NRXN1: variants seen among roughly 807,000 people sequenced by gnomAD.
NRXN1 encodes the protein neurexin-1.
A neutral mutation model predicts 150.9 loss-of-function variants in NRXN1; 39 were observed. The observed-to-expected ratio is 0.26, with a 90% CI of 0.20 to 0.34. The LOEUF is 0.34. Ranked by LOEUF, NRXN1 falls within the 10% of genes least tolerant of loss-of-function variation. The pLI is 1.00. For synonymous variants in NRXN1, 924 were observed against 757.0 expected (o/e 1.22, Z -3.62); for missense variants, 1,815 against 1,949.9 (o/e 0.93, Z 1.30).
chr2:50,423,469 C>A (rs1308053193), intron 17 of NRXN1, among the ~76,000 whole-genome samples: 1 of 151,196 alleles, frequency 6.6e-6, no homozygotes. Context: ...CTATCTTTAG[C>A]AAACACAAAG....
At chr2:50,853,306 A>G (rs570118823) in intron 5 of NRXN1, among the ~76,000 whole-genome samples, 37 of 152,224 alleles carry the variant, frequency 2.4e-4, no homozygotes, top group African/African-American at 8.9e-4. Context: ...ATGAGAGCAC[A>G]GTAATAACAT....
At chr2:50,826,977 A>G (rs1670538323) in intron 5 of NRXN1, among the ~76,000 whole-genome samples, 1 of 152,330 alleles carries the variant, frequency 6.6e-6, no homozygotes, top group Non-Finnish European at 1.5e-5. Flanking sequence ...GAAGTCAGCA[A>G]GAAAGGCCAA....
chr2:51,019,561 A>C (rs1669272753), intron 2 of NRXN1, among the ~76,000 whole-genome samples: 1 of 152,076 alleles, frequency 6.6e-6, no homozygotes, highest in Non-Finnish European at 1.5e-5. Flanking sequence ...AGATTTAGAA[A>C]ATACTATGAG....
At chr2:50,965,872 C>A (rs538643576) in intron 2 of NRXN1, among the ~76,000 whole-genome samples, 165 of 151,636 alleles carry the variant, frequency 1.1e-3, no homozygotes, top group African/African-American at 3.9e-3. Context: ...AGGCTTTTTA[C>A]ATAAACTTAC....
intron 5 of NRXN1, among the ~76,000 whole-genome samples, chr2:50,775,610 C>T (rs1429949987): frequency 6.6e-6 from 1 of 151,986 alleles, no homozygotes; most frequent in African/African-American, 2.4e-5. Flanking sequence ...CCTTTAAAGA[C>T]ACGAGAGATA....
At chr2:50,958,053 G>C (rs188145269) in intron 2 of NRXN1, among the ~76,000 whole-genome samples, 67 of 152,128 alleles carry the variant, frequency 4.4e-4, no homozygotes, top group African/African-American at 1.5e-3. Context: ...AGAATCCTCT[G>C]TTTATTTGTC....
At chr2:50,451,778 C>A (rs991364413) in intron 17 of NRXN1, among the ~76,000 whole-genome samples, 8 of 152,226 alleles carry the variant, frequency 5.3e-5, no homozygotes, top group South Asian at 4.1e-4. Context: ...AGGCATACAT[C>A]TTAAGTACAG....
At chr2:50,093,466 AG>A (rs370500981) in intron 18 of NRXN1, among the ~76,000 whole-genome samples, 37,880 of 101,548 alleles carry the variant, frequency 0.37, 5,853 homozygotes, top group Admixed American at 0.47. Context: ...TTAAAAAAAA[AG>A]AAAAAGAAAA....
chr2:50,690,453 T>C lies in NRXN1; in HGVS notation c.833-66838A>G, dbSNP rs573607252. Among the ~76,000 whole-genome samples, 5 of 152,334 alleles carry C rather than the reference T, an allele frequency of 3.3e-5. 1 individual carries two copies. The South Asian group carries it at 1.0e-3, about 32-fold the overall frequency. ...CCAGAGGCAACAAAATGTCGAATTC[T>C]CTAATCCATCATATCATGAAGCCAT... On this transcript the variant is annotated intron_variant, in intron 5 of 22. Transcript: ENST00000401669.
chr2:50,135,251 G>A (rs949531071), intron 18 of NRXN1, among the ~76,000 whole-genome samples: 1 of 152,178 alleles, frequency 6.6e-6, no homozygotes, highest in Non-Finnish European at 1.5e-5. Flanking sequence ...GAAATAGCCA[G>A]CCAGAAACAC....
At chr2:50,617,822 T>C (rs2104205582) in intron 8 of NRXN1, among the ~76,000 whole-genome samples, 1 of 152,334 alleles carries the variant, frequency 6.6e-6, no homozygotes, top group Non-Finnish European at 1.5e-5. Flanking sequence ...TATTTATCAA[T>C]TCATAAATTA....
At chr2:50,128,171 G>A (rs1016501988) in intron 18 of NRXN1, among the ~76,000 whole-genome samples, 1 of 152,152 alleles carries the variant, frequency 6.6e-6, no homozygotes, top group Non-Finnish European at 1.5e-5. Flanking sequence ...GCTCAGCACT[G>A]CCTGGCACAT....
At chr2:50,640,731 A>G (rs142242008) in intron 5 of NRXN1, among the ~76,000 whole-genome samples, 1 of 152,224 alleles carries the variant, frequency 6.6e-6, no homozygotes, top group African/African-American at 2.4e-5. Context: ...AGACAATCAC[A>G]TTTGCCCAGA....
chr2:50,718,166 C>A (rs975375641), intron 5 of NRXN1, among the ~76,000 whole-genome samples: 2 of 152,076 alleles, frequency 1.3e-5, no homozygotes, highest in African/African-American at 4.8e-5. Flanking sequence ...GGTTTTTGAG[C>A]CATGGTTTCA....
At chr2:50,902,624 G>A (rs769343332) in intron 5 of NRXN1, among the ~76,000 whole-genome samples, 3 of 152,156 alleles carry the variant, frequency 2.0e-5, no homozygotes, top group Non-Finnish European at 4.4e-5. Flanking sequence ...TGGGAGTGCT[G>A]AGAATATATT....
chr2:50,754,747 A>C (rs1285540394), intron 5 of NRXN1, among the ~76,000 whole-genome samples: 1 of 151,896 alleles, frequency 6.6e-6, no homozygotes, highest in Non-Finnish European at 1.5e-5. Flanking sequence ...TGTTCTGCCA[A>C]GCATTACCAG....
chr2:50,644,024 G>GT (rs1484643243), intron 5 of NRXN1, among the ~76,000 whole-genome samples: 1 of 151,160 alleles, frequency 6.6e-6, no homozygotes. Context: ...TTGTTTGTTT[G>GT]TTTTTTACTT....
chr2:51,030,262 A>G (rs1231356294), intron 1 of NRXN1, among the ~76,000 whole-genome samples: 1 of 152,056 alleles, frequency 6.6e-6, no homozygotes, highest in Admixed American at 6.6e-5. Context: ...ACTGCAATAT[A>G]TATACACCAT....
chr2:50,035,601 A>C (rs1689906500), intron 21 of NRXN1, among the ~76,000 whole-genome samples: 1 of 152,162 alleles, frequency 6.6e-6, no homozygotes, highest in East Asian at 1.9e-4. Context: ...GATTTGAATA[A>C]GAAAGCTTAG....
Sources: allele counts gnomAD v4.1 joint callset (sites outside exome capture counted in the v4.1 genomes callset), GRCh38; gene constraint gnomAD v4.1.1; transcripts MANE v1.5; gene names NCBI Gene and HGNC (gene_info 2026-07-23, HGNC 2026-07-21).